The following NCOR1 variants were observed in gnomAD, a reference collection of about 807,000 sequenced individuals.
NCOR1 encodes protein phosphatase 1, regulatory subunit 109.
A neutral mutation model predicts 288.1 loss-of-function variants in NCOR1; 63 were observed. The observed-to-expected ratio is 0.22, with a 90% CI of 0.18 to 0.27. The LOEUF (loss-of-function observed/expected upper bound fraction) is 0.27. Ranked by LOEUF, NCOR1 falls within the 10% of genes least tolerant of loss-of-function variation. The pLI is 1.00. For synonymous variants in NCOR1, 1,007 were observed against 1,065.9 expected (o/e 0.94, Z 1.08); for missense variants, 2,397 against 3,019.2 (o/e 0.79, Z 4.83).
chr17:16,106,883 ATTTTTTTT>A (rs144246158), intron 19 of NCOR1, among the ~76,000 whole-genome samples: 4 of 31,412 alleles, frequency 1.3e-4, no homozygotes, highest in African/African-American at 5.5e-4. Context: ...ATATATATAT[ATTTTTTTT>A]TTTTTTTTTT....
Position 16,058,727 on chromosome 17 carries a change from G to T in NCOR1, c.5882-128C>A, listed in dbSNP as rs1358787132. The T allele has an allele frequency of 2.9e-5, 29 of 994,774 alleles. No homozygotes were observed. The East Asian group carries it at 7.5e-4, about 26-fold the overall frequency. 61.6% of individuals were successfully genotyped at this position (994,774 alleles called of 1,614,324 possible). ...TTCAAAGGTATTCCAGGTTAATGAG[G>T]GTTTTCTGAAGTTTTATGGGCTTTA... On this transcript the variant is annotated intron_variant, in intron 37 of 45. Transcript: ENST00000268712.
At chr17:16,177,335 G>T (rs978917440) in intron 3 of NCOR1, among the ~76,000 whole-genome samples, 1 of 150,548 alleles carries the variant, frequency 6.6e-6, no homozygotes, top group African/African-American at 2.5e-5. Flanking sequence ...CACTTACGAG[G>T]CATGCTCTTT....
chr17:16,128,179 C>T (rs1242421348), intron 14 of NCOR1, among the ~76,000 whole-genome samples: 5 of 152,220 alleles, frequency 3.3e-5, no homozygotes, highest in East Asian at 1.9e-4. Context: ...GCACACCTCC[C>T]TCCAATCACC....
intron 1 of NCOR1, among the ~76,000 whole-genome samples, chr17:16,211,761 G>A (rs2092150134): frequency 6.6e-6 from 1 of 151,980 alleles, no homozygotes; most frequent in African/African-American, 2.4e-5. Flanking sequence ...GAAAAAAATG[G>A]TAGAAGAACA....
rs1221608088 is a variant in NCOR1 at position 16,032,059 on chromosome 17, C to G, written c.*237G>C. ...TTTAAAAACTCTACATCTCAACCCT[C>G]CACTATTATTATAGTCCACTGAATT... On this transcript the variant is annotated 3_prime_UTR_variant, in exon 46 of 46. Transcript: ENST00000268712. The G allele has an allele frequency of 2.1e-6, 1 of 475,746 alleles. No individual in the cohort carries two copies. Among genetic ancestry groups the G allele is most frequent in the Non-Finnish European group, 3.7e-6 (1 of 272,282 alleles). 29.5% of individuals were successfully genotyped at this position (475,746 alleles called of 1,614,324 possible). A position where few individuals can be genotyped will look rare whatever the true frequency, so the allele number is the denominator to read the frequency against.
intron 3 of NCOR1, among the ~76,000 whole-genome samples, chr17:16,182,098 T>C (rs1389769402): frequency 6.6e-6 from 1 of 152,172 alleles, no homozygotes; most frequent in Non-Finnish European, 1.5e-5. Flanking sequence ...TAAGCAAAAT[T>C]GCAGCTACAA....
intron 1 of NCOR1, among the ~76,000 whole-genome samples, chr17:16,208,657 C>A (rs2091831212): frequency 6.6e-6 from 1 of 151,752 alleles, no homozygotes; most frequent in African/African-American, 2.4e-5. Context: ...TTGAGGTCAG[C>A]CTGAGCAACA....
chr17:16,136,324 T>C (rs2076388542), intron 14 of NCOR1, among the ~76,000 whole-genome samples: 1 of 152,136 alleles, frequency 6.6e-6, no homozygotes, highest in Admixed American at 6.5e-5. Flanking sequence ...TATCTAGGAC[T>C]ACAGGCATGC....
intron 13 of NCOR1, 142 bp from the exon 14 acceptor site, chr17:16,137,554 G>A: frequency 8.2e-6 from 4 of 488,554 alleles, no homozygotes; most frequent in Non-Finnish European, 1.4e-5. Context: ...AGCATTTTAA[G>A]GCATATCTAG....
In NCOR1 at chr17:16,102,221, T is replaced by A. The variant is rs142104843; in HGVS notation, c.2183-464A>T. Among the ~76,000 whole-genome samples, 203 of 152,278 alleles carry A rather than the reference T, an allele frequency of 1.3e-3. 5 individuals carry two copies. The East Asian group carries it at 0.022, about 16-fold the overall frequency. On this transcript the variant is annotated intron_variant, in intron 19 of 45. Transcript: ENST00000268712. ...ATGTAATCACATCTGTAATTTTAATTTTTCTGATGGTCACATTAAAAAAGT... is the reference window on the plus strand; with the variant it reads ...ATGTAATCACATCTGTAATTTTAATATTTCTGATGGTCACATTAAAAAAGT...
intron 40 of NCOR1, among the ~76,000 whole-genome samples, chr17:16,050,952 G>A (rs1190484937): frequency 6.6e-6 from 1 of 151,858 alleles, no homozygotes; most frequent in Non-Finnish European, 1.5e-5. Flanking sequence ...CCCACCTCAG[G>A]CTCCCAAGTA....
intron 1 of NCOR1, among the ~76,000 whole-genome samples, chr17:16,200,586 A>G (rs1213890289): frequency 2.0e-5 from 3 of 151,028 alleles, no homozygotes; most frequent in Non-Finnish European, 4.4e-5. Context: ...GAATGAATCC[A>G]CCAAGCGTCA....
At position 16,091,290 on chromosome 17, in the gene NCOR1, G is replaced by A. The variant is rs944795888; in HGVS notation, c.3016+573C>T. Among the ~76,000 whole-genome samples the A allele has an allele frequency of 3.9e-5, 6 of 152,116 alleles. No individual in the cohort carries two copies. The South Asian group carries it at 6.2e-4, about 16-fold the overall frequency. ...GAGCCACCTGTTATATAACAATACCGAATGCTCCTTCCTTAACTTTACAAC... is the reference window on the plus strand; with the variant it reads ...GAGCCACCTGTTATATAACAATACCAAATGCTCCTTCCTTAACTTTACAAC... On this transcript the variant is annotated intron_variant, in intron 22 of 45. Transcript: ENST00000268712.
chr17:16,112,736 G>A (rs932449225), intron 18 of NCOR1, among the ~76,000 whole-genome samples: 18 of 151,692 alleles, frequency 1.2e-4, no homozygotes, highest in Non-Finnish European at 1.9e-4. Context: ...TGATCTGCCC[G>A]CCTCGGCCTC....
At chr17:16,054,263 A>G (rs1187935989) in intron 40 of NCOR1, among the ~76,000 whole-genome samples, 1 of 152,198 alleles carries the variant, frequency 6.6e-6, no homozygotes, top group African/African-American at 2.4e-5. Context: ...CAGAGTGAAC[A>G]GACAACCTAC....
At chr17:16,049,205 C>T (rs1425352607) in intron 40 of NCOR1, 11 of 349,866 alleles carry the variant, frequency 3.1e-5, no homozygotes, top group African/African-American at 6.3e-5. Context: ...TTGACCCATG[C>T]GCGCCCCGTG....
At chr17:16,140,173 T>C (rs2076952649) in intron 11 of NCOR1, among the ~76,000 whole-genome samples, 1 of 152,160 alleles carries the variant, frequency 6.6e-6, no homozygotes, top group Admixed American at 6.5e-5. Flanking sequence ...ATTTCAATCA[T>C]GTACTTACAG....
intron 3 of NCOR1, 30 bp downstream of exon 3, chr17:16,186,524 T>C (rs762442452): frequency 3.8e-6 from 6 of 1,599,926 alleles, no homozygotes; most frequent in Non-Finnish European, 8.5e-7. Flanking sequence ...ATTATAATCC[T>C]AGATAGAAAC....
At chr17:16,057,431 G>A (rs1001763340) in intron 40 of NCOR1, 83 bp downstream of exon 40, 5 of 1,386,714 alleles carry the variant, frequency 3.6e-6, no homozygotes, top group Non-Finnish European at 4.1e-6. Context: ...TTAGTTGTGA[G>A]AAACAAATTC....
Sources: gnomAD v4.1 joint callset for allele counts (sites outside exome capture counted in the v4.1 genomes callset) on GRCh38, gnomAD v4.1.1 for gene constraint, MANE v1.5 for transcripts, NCBI Gene and HGNC (gene_info 2026-07-23, HGNC 2026-07-21) for gene names.